The following TXNDC11 variants were observed in gnomAD, a reference collection of about 807,000 sequenced individuals.
The protein encoded by TXNDC11 is thioredoxin domain-containing protein 11.
In TXNDC11, 68 loss-of-function variants were observed where a neutral mutation model predicts 78.0. The observed-to-expected ratio is 0.87, with a 90% CI of 0.72 to 1.07. The LOEUF (loss-of-function observed/expected upper bound fraction) is 1.07, where lower values mean the gene tolerates loss of function less well. Among genes scored for constraint, TXNDC11 ranks in the 50% least tolerant of loss-of-function variants. TXNDC11 has a pLI of 0.00. For synonymous variants in TXNDC11, 571 were observed against 495.2 expected (o/e 1.15, Z -2.03); for missense variants, 1,389 against 1,221.8 (o/e 1.14, Z -2.04).
At chr16:11,707,806 G>C (rs1397080955) in intron 5 of TXNDC11, among the ~76,000 whole-genome samples, 1 of 151,878 alleles carries the variant, frequency 6.6e-6, no homozygotes, top group East Asian at 1.9e-4. Flanking sequence ...ATTAGGCTGG[G>C]TATGGTAGCT....
intron 5 of TXNDC11, among the ~76,000 whole-genome samples, chr16:11,706,100 C>T (rs1304077039): frequency 6.6e-6 from 1 of 152,156 alleles, no homozygotes; most frequent in Non-Finnish European, 1.5e-5. Context: ...ACTGCAGTAT[C>T]CCATTCGATT....
At chr16:11,741,041 C>CAGTA (rs1185263041) in intron 1 of TXNDC11, among the ~76,000 whole-genome samples, 2 of 152,092 alleles carry the variant, frequency 1.3e-5, no homozygotes, top group African/African-American at 2.4e-5. Flanking sequence ...AGACATCCTA[C>CAGTA]AGTAGTCAGG....
chr16:11,742,249 G>C (rs931842611), intron 1 of TXNDC11: 9 of 437,374 alleles, frequency 2.1e-5, no homozygotes, highest in Non-Finnish European at 3.2e-5. Flanking sequence ...AAAGCGGGAC[G>C]ATAGGGCGCA....
intron 5 of TXNDC11, among the ~76,000 whole-genome samples, chr16:11,721,098 G>A (rs139647210): frequency 6.6e-6 from 1 of 151,912 alleles, no homozygotes; most frequent in East Asian, 1.9e-4. Context: ...AAACAGAACA[G>A]TATTTCCTGT....
chr16:11,740,229 G>A (rs574384165), intron 1 of TXNDC11, among the ~76,000 whole-genome samples: 4 of 152,056 alleles, frequency 2.6e-5, no homozygotes, highest in Non-Finnish European at 4.4e-5. Flanking sequence ...GAGGAAAAGC[G>A]GGGGTAGAAA....
intron 5 of TXNDC11, among the ~76,000 whole-genome samples, chr16:11,706,168 T>C (rs1314487635): frequency 3.9e-5 from 6 of 152,312 alleles, no homozygotes; most frequent in African/African-American, 1.2e-4. Context: ...CTGTTAACCA[T>C]ACAGTGACAA....
In TXNDC11 at chr16:11,691,860, G is replaced by A. The variant is rs779835143; in HGVS notation, c.1330C>T (p.Leu444Phe). The change falls in exon 8 of 12, where the codon CTC becomes TTC. Residue 444 changes from leucine (L) to phenylalanine (F), a missense_variant. Leu to Phe is a conservative substitution (Grantham distance 22, BLOSUM62 0). Transcript: ENST00000283033. ...SFSRTHNVCE[L>F]CVNQTSGGMK... ...CCCCCGGAGGTCTGGTTGACACAGA[G>A]TTCACAGACGTTGTGGGTCCTGGAG... 1.2e-6 allele frequency: 2 copies of A among 1,614,268 alleles called. No individual in the cohort carries two copies. Among genetic ancestry groups the A allele is most frequent in the South Asian group, 1.1e-5 (1 of 91,092 alleles).
Position 11,679,576 on chromosome 16 carries a change from G to A in TXNDC11, c.2496C>T (p.Arg832=), listed in dbSNP as rs2050363940. The change falls in exon 12 of 12, where the codon CGC becomes CGT. Residue 832 remains arginine (R), a synonymous_variant. Coordinates refer to ENST00000283033, the MANE Select transcript of TXNDC11 (RefSeq NM_015914.7). The surrounding 1 kb of genome is among the most constrained non-coding windows in gnomAD (Gnocchi z 4.6). ...GCTGCCGCAGCCGGTGCTCATCTCT[G>A]CGGGCACTGGAGAGCTGGGACTCCA... ...VQVESQLSSA[R]RDEHRLRQQQ... is the part of the protein sequence containing the mutation. 1 of 1,614,016 alleles carries A rather than the reference G, an allele frequency of 6.2e-7. No homozygotes were observed. The highest frequency in any genetic ancestry group is 1.1e-5 in the South Asian group (1 of 91,080).
chr16:11,714,011 T>C (rs2051446159), intron 5 of TXNDC11, among the ~76,000 whole-genome samples: 1 of 151,576 alleles, frequency 6.6e-6, no homozygotes, highest in South Asian at 2.1e-4. Context: ...CCTTTTAAAA[T>C]GTCCCATACT....
At position 11,727,880 on chromosome 16, in the gene TXNDC11, G is replaced by GC. The variant is rs531874849; in HGVS notation, c.699+2764dup. On this transcript the variant is annotated intron_variant, in intron 4 of 11. Coordinates refer to ENST00000283033, the MANE Select transcript of TXNDC11 (RefSeq NM_015914.7). ...CAGTAGTTCTTAATGGGGGAATTTTGCCCCCTGAGGGGTATTTGGCAAGGT... is the reference window on the plus strand; with the variant it reads ...CAGTAGTTCTTAATGGGGGAATTTTGCCCCCCTGAGGGGTATTTGGCAAGGT... Among the ~76,000 whole-genome samples, 31 of 152,232 alleles carry GC rather than the reference G, an allele frequency of 2.0e-4. No homozygotes were observed. In the East Asian group the frequency reaches 5.4e-3, roughly 26 times the overall value.
At chr16:11,696,795 AAG>A (rs2050871267) in intron 7 of TXNDC11, among the ~76,000 whole-genome samples, 1 of 152,088 alleles carries the variant, frequency 6.6e-6, no homozygotes, top group Non-Finnish European at 1.5e-5. Context: ...ACAGGCGAGA[AAG>A]AGTCTTCCCA....
At chr16:11,685,517 C>T (rs1047787430) in intron 10 of TXNDC11, among the ~76,000 whole-genome samples, 2 of 151,812 alleles carry the variant, frequency 1.3e-5, no homozygotes, top group Non-Finnish European at 2.9e-5. Context: ...GGCATAATGG[C>T]GGGCGCCTGT....
chr16:11,734,838 G>A (rs1326689445), intron 2 of TXNDC11, among the ~76,000 whole-genome samples: 1 of 152,186 alleles, frequency 6.6e-6, no homozygotes. Flanking sequence ...GTGGTTCTGA[G>A]CAGGAGAGTC....
Position 11,742,528 on chromosome 16 carries a change from C to A in TXNDC11, c.203G>T (p.Gly68Val). 6 of 1,461,786 alleles carry A rather than the reference C, an allele frequency of 4.1e-6. No individual in the cohort carries two copies. The highest frequency in any genetic ancestry group is 1.3e-5 in the South Asian group (1 of 75,894). The allele number at this position is 1,461,786 out of a possible 1,614,324, so 90.6% of individuals were successfully genotyped here. The change falls in exon 1 of 12, where the codon GGG becomes GTG. Residue 68 changes from glycine (G) to valine (V), a missense_variant. By Grantham distance (109) the Gly-to-Val change is moderately radical (BLOSUM62 -3). Transcript: ENST00000283033. Reference sequence around the variant, plus strand: ...CAGCGCGCAGCCGAGCGCCACGGCCCCGCAGAGCAGCTCCGGCCGCTGGCG... The same window carrying A: ...CAGCGCGCAGCCGAGCGCCACGGCCACGCAGAGCAGCTCCGGCCGCTGGCG... Reference protein sequence around the residue: ...MARQRPELLCGAVALGCALLL... With the variant: ...MARQRPELLCVAVALGCALLL...
At chr16:11,714,871 G>A (rs16952901) in intron 5 of TXNDC11, among the ~76,000 whole-genome samples, 1,780 of 152,272 alleles carry the variant, frequency 0.012, 36 homozygotes, top group African/African-American at 0.041. Flanking sequence ...GAAAACTAAT[G>A]CTACTAATGC....
chr16:11,705,880 G>T (rs372044175), intron 5 of TXNDC11, among the ~76,000 whole-genome samples: 1 of 152,180 alleles, frequency 6.6e-6, no homozygotes, highest in Non-Finnish European at 1.5e-5. Flanking sequence ...CAAAAAACCA[G>T]CATGTCACAT....
At chr16:11,712,431 C>T (rs889231436) in intron 5 of TXNDC11, among the ~76,000 whole-genome samples, 1 of 152,176 alleles carries the variant, frequency 6.6e-6, no homozygotes, top group Non-Finnish European at 1.5e-5. Flanking sequence ...GGAAGGCTGT[C>T]ACAGACCCAT....
intron 2 of TXNDC11, among the ~76,000 whole-genome samples, chr16:11,734,332 T>C (rs960515929): frequency 2.0e-5 from 3 of 152,198 alleles, no homozygotes; most frequent in African/African-American, 7.2e-5. Flanking sequence ...GTTCAAAAGA[T>C]TTCTGTGTGT....
chr16:11,694,368 G>C (rs2050804924), intron 7 of TXNDC11, among the ~76,000 whole-genome samples: 1 of 151,998 alleles, frequency 6.6e-6, no homozygotes, highest in Non-Finnish European at 1.5e-5. Flanking sequence ...TCGAACTCCT[G>C]ACCTCAGGTG....
Sources: gnomAD v4.1 joint callset for allele counts (sites outside exome capture counted in the v4.1 genomes callset) on GRCh38, gnomAD v4.1.1 for gene constraint, Gnocchi (gnomAD v3.1) non-coding constraint, MANE v1.5 for transcripts, NCBI Gene and HGNC (gene_info 2026-07-23, HGNC 2026-07-21) for gene names.